The following ULK4 variants were observed in gnomAD, a reference collection of about 807,000 sequenced individuals.
ULK4 encodes inactive serine/threonine-protein kinase ULK4.
A neutral mutation model predicts 160.6 loss-of-function variants in ULK4; 133 were observed. The observed-to-expected ratio is 0.83, with a 90% CI of 0.72 to 0.96. The LOEUF is 0.96. Ranked by LOEUF, ULK4 falls within the 40% of genes least tolerant of loss-of-function variation. The pLI, the probability that ULK4 is intolerant of heterozygous loss-of-function variation, is 0.00. For synonymous variants in ULK4, 534 were observed against 539.8 expected (o/e 0.99, Z 0.15); for missense variants, 1,580 against 1,499.5 (o/e 1.05, Z -0.89).
At chr3:41,902,180 C>T (rs752390806) in intron 12 of ULK4, among the ~76,000 whole-genome samples, 2 of 151,958 alleles carry the variant, frequency 1.3e-5, no homozygotes, top group Non-Finnish European at 2.9e-5. Flanking sequence ...AAATAAATTA[C>T]CCAAAACTGA....
intron 34 of ULK4, among the ~76,000 whole-genome samples, chr3:41,429,770 C>T (rs2082861487): frequency 1.3e-5 from 2 of 151,808 alleles, no homozygotes; most frequent in African/African-American, 2.4e-5. Flanking sequence ...AGGGAGAGCA[C>T]CAGGATAAAT....
intron 36 of ULK4, among the ~76,000 whole-genome samples, chr3:41,248,067 C>T (rs564513469): frequency 6.6e-6 from 1 of 152,150 alleles, no homozygotes; most frequent in Non-Finnish European, 1.5e-5. Context: ...CACATTTGGT[C>T]CAAATTTGGG....
In ULK4 at chr3:41,844,194, T is replaced by C. The variant is rs1447612137; in HGVS notation, c.1657-8223A>G. 2.0e-5 allele frequency among the ~76,000 whole-genome samples: 3 copies of C among 152,028 alleles called. No individual in the cohort carries two copies. The East Asian group carries it at 5.8e-4, about 29-fold the overall frequency. ...CACTCCTCAGCCCTTGGGTGGTTGA[T>C]GGGACTGGGCAGCATGGAGCAGGGG... On this transcript the variant is annotated intron_variant, in intron 17 of 36. Transcript: ENST00000301831.
At chr3:41,267,019 G>GT (rs59706529) in intron 35 of ULK4, among the ~76,000 whole-genome samples, 6 of 63,766 alleles carry the variant, frequency 9.4e-5, no homozygotes, top group Admixed American at 5.6e-4. Flanking sequence ...TGTCTCTATT[G>GT]GGGGGGGGGG....
chr3:41,706,750 C>A (rs2036901097), intron 25 of ULK4, among the ~76,000 whole-genome samples: 1 of 150,696 alleles, frequency 6.6e-6, no homozygotes, highest in Admixed American at 6.6e-5. Context: ...ATTGCTTGAG[C>A]CCAGGAAGCG....
At chr3:41,545,882 C>T (rs2086842845) in intron 32 of ULK4, among the ~76,000 whole-genome samples, 1 of 152,020 alleles carries the variant, frequency 6.6e-6, no homozygotes, top group Non-Finnish European at 1.5e-5. Flanking sequence ...GCTGAAAAGC[C>T]CAGCCAGGTA....
chr3:41,761,307 ATACAT>A (rs959682961), intron 21 of ULK4, among the ~76,000 whole-genome samples: 3 of 135,230 alleles, frequency 2.2e-5, no homozygotes, highest in African/African-American at 9.9e-5. Flanking sequence ...TACACATAAA[ATACAT>A]TATATACTAT....
In ULK4 at chr3:41,420,472, TTTC is replaced by T. The variant is rs1203190222; in HGVS notation, c.3493-22211_3493-22209del. 5.8e-3 allele frequency among the ~76,000 whole-genome samples: 663 copies of T among 114,234 alleles called. 33 individuals are homozygous for T. The highest frequency in any genetic ancestry group is 0.024 in the African/African-American group (632 of 26,826). 74.9% of individuals were successfully genotyped at this position (114,234 alleles called of 152,430 possible). A position where few individuals can be genotyped will look rare whatever the true frequency, so the allele number is the denominator to read the frequency against. On this transcript the variant is annotated intron_variant, in intron 34 of 36. Coordinates refer to ENST00000301831, the MANE Select transcript of ULK4 (RefSeq NM_017886.4). ...AAGGGATTTTTCAGTTTTCCAGTTC[TTTC>T]TTTTTTTTTTTTTTTTTTTTTTTTT... is the stretch of plus-strand genomic sequence containing the variant.
intron 29 of ULK4, among the ~76,000 whole-genome samples, chr3:41,667,579 A>C (rs893790917): frequency 3.9e-5 from 6 of 152,202 alleles, no homozygotes; most frequent in African/African-American, 7.2e-5. Context: ...CTCAGGGAAG[A>C]CTAACCAGTG....
At chr3:41,546,006 A>G (rs2086848941) in intron 32 of ULK4, among the ~76,000 whole-genome samples, 1 of 152,060 alleles carries the variant, frequency 6.6e-6, no homozygotes, top group South Asian at 2.1e-4. Context: ...TATAATCTTT[A>G]CTTTTTGGCT....
intron 35 of ULK4, among the ~76,000 whole-genome samples, chr3:41,299,402 T>C (rs17055252): frequency 0.16 from 23,583 of 152,074 alleles, 2,188 homozygotes; most frequent in African/African-American, 0.25. Flanking sequence ...TCCTTATAAC[T>C]TGCAATGATT....
intron 35 of ULK4, 64 bp from the exon 36 acceptor site, chr3:41,249,638 A>AC: frequency 6.6e-7 from 1 of 1,514,360 alleles, no homozygotes; most frequent in Non-Finnish European, 9.0e-7. Flanking sequence ...GCCCTGTTGG[A>AC]TGGGCACCCT....
At chr3:41,395,980 T>A (rs1271807356) in intron 35 of ULK4, among the ~76,000 whole-genome samples, 1 of 152,184 alleles carries the variant, frequency 6.6e-6, no homozygotes, top group Non-Finnish European at 1.5e-5. Context: ...TGGTAGAATC[T>A]GTTGATTTTG....
At chr3:41,519,727 A>G (rs573010044) in intron 32 of ULK4, among the ~76,000 whole-genome samples, 1 of 152,314 alleles carries the variant, frequency 6.6e-6, no homozygotes, top group African/African-American at 2.4e-5. Context: ...TGGGAACTTT[A>G]ATATATCTTT....
At chr3:41,469,473 T>A (rs2083916143) in intron 32 of ULK4, among the ~76,000 whole-genome samples, 1 of 151,278 alleles carries the variant, frequency 6.6e-6, no homozygotes, top group African/African-American at 2.4e-5. Flanking sequence ...AGCTGCCTCA[T>A]CAAAATTGAG....
chr3:41,926,099 G>C (rs1393367482), intron 5 of ULK4, among the ~76,000 whole-genome samples: 1 of 152,148 alleles, frequency 6.6e-6, no homozygotes, highest in African/African-American at 2.4e-5. Flanking sequence ...ATACAGGAAA[G>C]CTCCGGCTGC....
At chr3:41,761,854 T>A (rs189876350) in intron 21 of ULK4, among the ~76,000 whole-genome samples, 1 of 152,058 alleles carries the variant, frequency 6.6e-6, no homozygotes, top group Non-Finnish European at 1.5e-5. Flanking sequence ...GGCAGGAGAA[T>A]TGCTTGAGCT....
chr3:41,793,100 A>G (rs2040198738), intron 20 of ULK4, among the ~76,000 whole-genome samples: 6 of 152,040 alleles, frequency 3.9e-5, no homozygotes, highest in Non-Finnish European at 8.8e-5. Context: ...TTGAAACCAG[A>G]AGGCGGAGGT....
intron 35 of ULK4, among the ~76,000 whole-genome samples, chr3:41,367,436 G>C (rs1054215098): frequency 6.6e-6 from 1 of 152,200 alleles, no homozygotes; most frequent in Non-Finnish European, 1.5e-5. Context: ...GGGGGACCAG[G>C]ACAACCCAGT....
Sources: allele counts gnomAD v4.1 joint callset (sites outside exome capture counted in the v4.1 genomes callset), GRCh38; gene constraint gnomAD v4.1.1; transcripts MANE v1.5; gene names NCBI Gene and HGNC (gene_info 2026-07-23, HGNC 2026-07-21).